The following CARS1 variants were observed in gnomAD, a reference collection of about 807,000 sequenced individuals.
The protein encoded by CARS1 is cysteine--tRNA ligase, cytoplasmic.
A neutral mutation model predicts 106.2 loss-of-function variants in CARS1; 48 were observed. The ratio of observed to expected loss-of-function variants is 0.45; its 90% confidence interval spans 0.36 to 0.57. CARS1 has a LOEUF of 0.57. CARS1 is among the 20% of genes least tolerant of loss of function. The probability of loss-of-function intolerance (pLI) is 0.00; values close to 1 mark genes in which losing one functional copy is unlikely to be tolerated. For synonymous variants in CARS1, 409 were observed against 403.4 expected (o/e 1.01, Z -0.17); for missense variants, 968 against 1,057.2 (o/e 0.92, Z 1.17).
In CARS1 at chr11:3,041,335, C is replaced by A; in HGVS notation, c.367-351G>T. Reference sequence around the variant, plus strand: ...CTGAGTACCTACCATGTGCCAGGCCCTGAGCTAAATATTCAATATGCAGTA... The same window carrying A: ...CTGAGTACCTACCATGTGCCAGGCCATGAGCTAAATATTCAATATGCAGTA... On this transcript the variant is annotated intron_variant, in intron 3 of 22. Coordinates refer to ENST00000380525, the MANE Select transcript of CARS1 (RefSeq NM_001014437.3). The surrounding 1 kb of genome is among the most constrained non-coding windows in gnomAD (Gnocchi z 4.9). The A allele has an allele frequency of 3.7e-6, 1 of 273,970 alleles. No individual in the cohort carries two copies. Among genetic ancestry groups the A allele is most frequent in the South Asian group, 4.2e-5 (1 of 23,582 alleles). 17.0% of individuals were successfully genotyped at this position (273,970 alleles called of 1,614,324 possible). A position where few individuals can be genotyped will look rare whatever the true frequency, so the allele number is the denominator to read the frequency against.
rs1347085185 is a variant in CARS1, at chr11:3,048,891, C to G, written c.26-890G>C. On this transcript the variant is annotated intron_variant, in intron 1 of 22. Transcript: ENST00000380525. This position sits in a 1 kb window ranked among gnomAD's most constrained non-coding sequence, Gnocchi z 5.1. ...AGCCTTCAAAGCAGTAAGCGTGCAC[C>G]TCCACCACTCAGGTGTGTCACTCAA... is the stretch of plus-strand genomic sequence containing the variant. Among the ~76,000 whole-genome samples the G allele has an allele frequency of 2.0e-5, 3 of 152,228 alleles. No homozygotes were observed. Among genetic ancestry groups the G allele is most frequent in the Non-Finnish European group, 4.4e-5 (3 of 68,040 alleles).
In CARS1 at chr11:3,039,678, G is replaced by C. The variant is rs953587258; in HGVS notation, c.552+157C>G. 6.6e-6 allele frequency among the ~76,000 whole-genome samples: 1 copy of C among 152,208 alleles called. No individual in the cohort carries two copies. The highest frequency in any genetic ancestry group is 2.4e-5 in the African/African-American group (1 of 41,448). On this transcript the variant is annotated intron_variant, in intron 5 of 22. Coordinates refer to ENST00000380525, the MANE Select transcript of CARS1 (RefSeq NM_001014437.3). The surrounding 1 kb of genome is among the most constrained non-coding windows in gnomAD (Gnocchi z 5.6). ...CATAGAAATGATCATATCAGTAGCA[G>C]AAGTGGTAATATTAACTCACTGAGG...
At chr11:3,011,838 G>A (rs931954149) in intron 18 of CARS1, among the ~76,000 whole-genome samples, 7 of 152,228 alleles carry the variant, frequency 4.6e-5, no homozygotes, top group South Asian at 2.1e-4. Flanking sequence ...GAGCCAAATG[G>A]CAGGTGGTGA....
At chr11:3,049,840 G>A (rs4758511) in intron 1 of CARS1, among the ~76,000 whole-genome samples, 141,119 of 152,294 alleles carry the variant, frequency 0.93, 65,443 homozygotes, top group African/African-American at 0.95. Context: ...CCCCAACCAA[G>A]CCCACACAGC....
rs928138525 is a variant in CARS1, at chr11:3,020,513, T to C, written c.1154-181A>G. On this transcript the variant is annotated intron_variant, in intron 10 of 22. Transcript: ENST00000380525. The surrounding 1 kb of genome is among the most constrained non-coding windows in gnomAD (Gnocchi z 4.6). ...TTACCAGATTCTGGTGTTGACCCAG[T>C]GTCTAGATTTACAAAACGGTACATA... is the stretch of plus-strand genomic sequence containing the variant. Among the ~76,000 whole-genome samples the C allele has an allele frequency of 2.6e-5, 4 of 152,222 alleles. No individual in the cohort carries two copies. The highest frequency in any genetic ancestry group is 1.3e-4 in the Admixed American group (2 of 15,278).
In CARS1 at chr11:3,022,540, A is replaced by G. The variant is rs888734198; in HGVS notation, c.1154-2208T>C. 1.4e-4 allele frequency among the ~76,000 whole-genome samples: 21 copies of G among 152,180 alleles called. No individual in the cohort carries two copies. Among genetic ancestry groups the G allele is most frequent in the Non-Finnish European group, 2.8e-4 (19 of 68,032 alleles). On this transcript the variant is annotated intron_variant, in intron 10 of 22. Coordinates refer to ENST00000380525, the MANE Select transcript of CARS1 (RefSeq NM_001014437.3). This position sits in a 1 kb window ranked among gnomAD's most constrained non-coding sequence, Gnocchi z 4.9. ...ATCCCGGTATACTGACTCGCTGTGC[A>G]TTGGGCAACAGACCTATTATGGTTA...
rs1851491001 is a variant in CARS1, at chr11:3,020,693, T to C, written c.1154-361A>G. On this transcript the variant is annotated intron_variant, in intron 10 of 22. Coordinates refer to ENST00000380525, the MANE Select transcript of CARS1 (RefSeq NM_001014437.3). This position sits in a 1 kb window ranked among gnomAD's most constrained non-coding sequence, Gnocchi z 4.6. ...CCTGGGCTAAAGCTAGGAGGTGACA[T>C]AGTGGTGCAGCCACTGGGGCATGGC... Among the ~76,000 whole-genome samples, 1 of 152,166 alleles carries C rather than the reference T, an allele frequency of 6.6e-6. No individual in the cohort carries two copies. Among genetic ancestry groups the C allele is most frequent in the East Asian group, 1.9e-4 (1 of 5,198 alleles).
In CARS1 at chr11:3,001,973, T is replaced by C. The variant is rs1194093507; in HGVS notation, c.2358A>G (p.Glu786=). 6.2e-7 allele frequency: 1 copy of C among 1,608,632 alleles called. No individual in the cohort carries two copies. The highest frequency in any genetic ancestry group is 2.2e-5 in the East Asian group (1 of 44,876). Residue 786 remains glutamate (E), a synonymous_variant, in exon 22 of 23, where the codon GAA becomes GAG. Coordinates refer to ENST00000380525, the MANE Select transcript of CARS1 (RefSeq NM_001014437.3). ...SETDKYSKFD[E]NGLPTHDMEG... is the part of the protein sequence containing the mutation. ...AGAAGGATGCTTACATGCTTACATT[T>C]TCATCAAACTTGGAGTATTTGTCGG...
rs1413026041 is a variant in CARS1 at position 3,044,366 on chromosome 11, G to A, written c.275-2110C>T. 6.6e-6 allele frequency among the ~76,000 whole-genome samples: 1 copy of A among 151,966 alleles called. No homozygotes were observed. Among genetic ancestry groups the A allele is most frequent in the Admixed American group, 6.5e-5 (1 of 15,274 alleles). The stretch of plus-strand genomic sequence containing the variant: ...TACCAGGCCCAGATATACAAATTCA[G>A]ATTTGCAAAAGGGAAGAACTGAGAG... On this transcript the variant is annotated intron_variant, in intron 2 of 22. Coordinates refer to ENST00000380525, the MANE Select transcript of CARS1 (RefSeq NM_001014437.3). This position sits in a 1 kb window ranked among gnomAD's most constrained non-coding sequence, Gnocchi z 4.4.
At position 3,029,269 on chromosome 11, in the gene CARS1, A is replaced by G; in HGVS notation, c.942+34T>C. On this transcript the variant is annotated intron_variant, in intron 8 of 22. Transcript: ENST00000380525. This position sits in a 1 kb window ranked among gnomAD's most constrained non-coding sequence, Gnocchi z 5.9. ...ATTTAGAAATCAGGGCCCTTAGCGC[A>G]AGAGAGCCAGCACAAGACAATCGTG... 1 of 1,608,856 alleles carries G rather than the reference A, an allele frequency of 6.2e-7. No homozygotes were observed. The highest frequency in any genetic ancestry group is 8.5e-7 in the Non-Finnish European group (1 of 1,175,614).
chr11:3,028,895 C>T lies in CARS1; in HGVS notation c.1031+101G>A. 4.8e-6 allele frequency: 4 copies of T among 829,220 alleles called. No individual in the cohort carries two copies. Among genetic ancestry groups the T allele is most frequent in the Middle Eastern group, 7.2e-4 (2 of 2,790 alleles). The allele number at this position is 829,220 out of a possible 1,614,324, so 51.4% of individuals were successfully genotyped here. ...CTTCTAGCTACGCAGCCCCAGAACA[C>T]CTGCTCCTCTGCTTCCCAAACTCAG... is the stretch of plus-strand genomic sequence containing the variant. On this transcript the variant is annotated intron_variant, in intron 9 of 22. Transcript: ENST00000380525. This position sits in a 1 kb window ranked among gnomAD's most constrained non-coding sequence, Gnocchi z 4.4.
rs1354293272 is a variant in CARS1 at position 3,037,126 on chromosome 11, G to A, written c.801+924C>T. On this transcript the variant is annotated intron_variant, in intron 7 of 22. Transcript: ENST00000380525. This position sits in a 1 kb window ranked among gnomAD's most constrained non-coding sequence, Gnocchi z 5.9. ...AACAGACAAACAGCTCGGCTCCCAG[G>A]CAGGCACTGAGGCAGTGACAGTGAC... 6.6e-6 allele frequency among the ~76,000 whole-genome samples: 1 copy of A among 152,196 alleles called. No individual in the cohort carries two copies. Among genetic ancestry groups the A allele is most frequent in the African/African-American group, 2.4e-5 (1 of 41,450 alleles).
rs1314437380 is a variant in CARS1 at position 3,018,706 on chromosome 11, G to C, written c.1439C>G (p.Thr480Arg). Residue 480 changes from threonine to arginine, a missense_variant, in exon 13 of 23, where the codon ACA (threonine) becomes AGA (arginine). By Grantham distance (71) the Thr-to-Arg change is moderately conservative. Coordinates refer to ENST00000380525, the MANE Select transcript of CARS1 (RefSeq NM_001014437.3). ...NDCWVRYFLH[T>R]GHLTIAGCKM... ...GCAGCCTGCAATGGTCAGGTGGCCT[G>C]TGTGCAGGAAGTACCTGACCCAGCA... The C allele has an allele frequency of 6.2e-7, 1 of 1,613,998 alleles. No homozygotes were observed. Among genetic ancestry groups the C allele is most frequent in the African/African-American group, 1.3e-5 (1 of 74,920 alleles).
rs1277203640 is a variant in CARS1 at position 3,017,818 on chromosome 11, G to A, written c.1727+39C>T. 1.5e-6 allele frequency: 2 copies of A among 1,365,010 alleles called. No homozygotes were observed. The highest frequency in any genetic ancestry group is 1.0e-6 in the Non-Finnish European group (1 of 953,502). The allele number at this position is 1,365,010 out of a possible 1,614,324, so 84.6% of individuals were successfully genotyped here. ...GATGCGAGGCTAGGCATAGAACATG[G>A]GCATGCTCAAAAACCCCAAAGAAAT... On this transcript the variant is annotated intron_variant, in intron 15 of 22. Transcript: ENST00000380525. This position sits in a 1 kb window ranked among gnomAD's most constrained non-coding sequence, Gnocchi z 4.9.
chr11:3,039,398 G>C lies in CARS1; in HGVS notation c.553-106C>G, dbSNP rs1162687744. ...GCCAACTCTAAGTGAGGGTGAGGGT[G>C]GTGGGAGACAACTGTGGGCCCCGGA... is the stretch of plus-strand genomic sequence containing the variant. On this transcript the variant is annotated intron_variant, in intron 5 of 22. Coordinates refer to ENST00000380525, the MANE Select transcript of CARS1 (RefSeq NM_001014437.3). The surrounding 1 kb of genome is among the most constrained non-coding windows in gnomAD (Gnocchi z 5.6). The C allele has an allele frequency of 1.4e-6, 1 of 706,892 alleles. No individual in the cohort carries two copies. The highest frequency in any genetic ancestry group is 2.5e-6 in the Non-Finnish European group (1 of 395,730). 43.8% of individuals were successfully genotyped at this position (706,892 alleles called of 1,614,324 possible). A position where few individuals can be genotyped will look rare whatever the true frequency, so the allele number is the denominator to read the frequency against.
chr11:3,051,793 G>A (rs1461870693), intron 1 of CARS1, among the ~76,000 whole-genome samples: 1 of 152,042 alleles, frequency 6.6e-6, no homozygotes, highest in Non-Finnish European at 1.5e-5. Flanking sequence ...CCTCTCCCCT[G>A]TCCCCTCCCT....
rs772964253 is a variant in CARS1, at chr11:3,017,239, C to T, written c.1784G>A (p.Arg595His). 73 of 1,613,978 alleles carry T rather than the reference C, an allele frequency of 4.5e-5. No homozygotes were observed. The highest frequency in any genetic ancestry group is 6.7e-5 in the Admixed American group (4 of 60,006). ...HKALCDNVDT[R>H]TVMEEMRALV... is the part of the protein sequence containing the mutation. ...GGCCCGCATCTCTTCCATGACGGTG[C>T]GGGTGTCAACATTGTCACAGAGGGC... The change falls in exon 16 of 23, where the codon CGC becomes CAC. Residue 595 changes from arginine to histidine, a missense_variant. Arg to His is a conservative substitution (Grantham distance 29). Transcript: ENST00000380525. This position sits in a 1 kb window ranked among gnomAD's most constrained non-coding sequence, Gnocchi z 4.9.
intron 17 of CARS1, 91 bp downstream of exon 17, chr11:3,015,689 GC>G: frequency 9.0e-7 from 1 of 1,111,636 alleles, no homozygotes; most frequent in South Asian, 1.2e-5. Flanking sequence ...GTGTGGGTGG[GC>G]AGACAGAGGA....
At chr11:3,014,283 A>C (rs1419646525) in intron 17 of CARS1, among the ~76,000 whole-genome samples, 1 of 152,226 alleles carries the variant, frequency 6.6e-6, no homozygotes, top group Non-Finnish European at 1.5e-5. Flanking sequence ...GGCGACACTG[A>C]GGTGGTACAA....
Sources: gnomAD v4.1 joint callset for allele counts (sites outside exome capture counted in the v4.1 genomes callset) on GRCh38, gnomAD v4.1.1 for gene constraint, Gnocchi (gnomAD v3.1) non-coding constraint, MANE v1.5 for transcripts, NCBI Gene and HGNC (gene_info 2026-07-23, HGNC 2026-07-21) for gene names.